CSMD3: variants seen among roughly 807,000 people sequenced by gnomAD.
CSMD3 encodes the protein CUB and sushi domain-containing protein 3.
In CSMD3, 177 loss-of-function variants were observed where a neutral mutation model predicts 435.2. The ratio of observed to expected loss-of-function variants is 0.41; its 90% CI spans 0.36 to 0.46. CSMD3 has a LOEUF of 0.46. Among genes scored for constraint, CSMD3 ranks in the 20% least tolerant of loss-of-function variants. The pLI is 0.34. For missense variants in CSMD3, 4,265 were observed against 4,504.6 expected (o/e 0.95, Z 1.52); for synonymous variants, 1,656 against 1,520.5 (o/e 1.09, Z -2.07).
intron 4 of CSMD3, among the ~76,000 whole-genome samples, chr8:113,155,492 T>C (rs1327751373): frequency 6.6e-6 from 1 of 152,012 alleles, no homozygotes; most frequent in Non-Finnish European, 1.5e-5. Flanking sequence ...AGTAAAACTA[T>C]TAAGGGTGGG....
intron 58 of CSMD3, among the ~76,000 whole-genome samples, chr8:112,282,410 T>C (rs561078294): frequency 6.6e-6 from 1 of 152,100 alleles, no homozygotes; most frequent in Non-Finnish European, 1.5e-5. Context: ...CTAAATGCAT[T>C]AGTGCCTGCC....
At chr8:112,512,709 T>C (rs1438613231) in intron 28 of CSMD3, among the ~76,000 whole-genome samples, 1 of 152,216 alleles carries the variant, frequency 6.6e-6, no homozygotes, top group Non-Finnish European at 1.5e-5. Context: ...AGTCAGCCTG[T>C]CCTTTGAAGC....
intron 24 of CSMD3, among the ~76,000 whole-genome samples, chr8:112,571,419 T>G (rs1829505843): frequency 6.6e-6 from 1 of 152,152 alleles, no homozygotes; most frequent in South Asian, 2.1e-4. Context: ...ATGATCTTAC[T>G]CATTCCAGTC....
intron 13 of CSMD3, among the ~76,000 whole-genome samples, chr8:112,717,261 A>G (rs533748242): frequency 1.3e-5 from 2 of 152,236 alleles, no homozygotes; most frequent in South Asian, 2.1e-4. Context: ...GGTGAAGGAC[A>G]TGAACAGATG....
At chr8:112,516,754 A>G (rs1451846810) in intron 28 of CSMD3, among the ~76,000 whole-genome samples, 2 of 152,192 alleles carry the variant, frequency 1.3e-5, no homozygotes, top group East Asian at 3.8e-4. Flanking sequence ...AACTATGGCT[A>G]CATAGTAAAT....
chr8:112,979,644 T>G (rs867894099), intron 6 of CSMD3, among the ~76,000 whole-genome samples: 5 of 151,508 alleles, frequency 3.3e-5, no homozygotes, highest in Admixed American at 2.6e-4. Flanking sequence ...TGAAAAAAAT[T>G]AAGTATGCTA....
At chr8:113,278,497 G>C (rs1172985873) in intron 3 of CSMD3, 95 bp downstream of exon 3, 5 of 713,520 alleles carry the variant, frequency 7.0e-6, no homozygotes, top group South Asian at 1.4e-5. Context: ...GAGACAACAT[G>C]ATGTTGTCTC....
At chr8:113,055,527 T>G (rs1016830066) in intron 5 of CSMD3, among the ~76,000 whole-genome samples, 14 of 152,212 alleles carry the variant, frequency 9.2e-5, no homozygotes, top group Admixed American at 3.3e-4. Context: ...TTAAATATCA[T>G]CCATATTCTG....
At chr8:112,497,514 AC>A (rs1821483320) in intron 30 of CSMD3, among the ~76,000 whole-genome samples, 1 of 150,668 alleles carries the variant, frequency 6.6e-6, no homozygotes, top group Admixed American at 6.6e-5. Flanking sequence ...CCTACTATGA[AC>A]CTGTAAAAAT....
chr8:113,009,350 T>C (rs2086172536), intron 6 of CSMD3, among the ~76,000 whole-genome samples: 2 of 151,898 alleles, frequency 1.3e-5, no homozygotes. Flanking sequence ...TTAAGTAATC[T>C]ATTCAGGTTC....
intron 3 of CSMD3, among the ~76,000 whole-genome samples, chr8:113,238,826 G>A (rs890090687): frequency 2.0e-5 from 3 of 152,158 alleles, no homozygotes; most frequent in African/African-American, 4.8e-5. Flanking sequence ...ATAGGGAAGT[G>A]TAAACATATA....
intron 14 of CSMD3, 113 bp from the exon 15 acceptor site, chr8:112,685,845 A>G: frequency 1.4e-6 from 1 of 721,092 alleles, no homozygotes; most frequent in Non-Finnish European, 2.3e-6. Context: ...GATAATATTA[A>G]ATTATGTAAA....
chr8:112,265,574 G>A lies in CSMD3; in HGVS notation c.9525C>T (p.Asp3175=), dbSNP rs1293831413. The change falls in exon 60 of 71, where the codon GAC becomes GAT. Residue 3175 remains aspartate, a synonymous_variant. Transcript: ENST00000297405. ...TCAGTCCATTGGCTGGTATACCTGG[G>A]TCTCCACAACTGATTACTGTCAGTA... ...LPNCTIISCG[D]PGIPANGLRY... is the part of the protein sequence containing the mutation. 6.2e-7 allele frequency: 1 copy of A among 1,612,746 alleles called. No individual in the cohort carries two copies. The highest frequency in any genetic ancestry group is 8.5e-7 in the Non-Finnish European group (1 of 1,179,034).
At position 112,691,950 on chromosome 8, in the gene CSMD3, G is replaced by A. The variant is rs918332912; in HGVS notation, c.1973-1900C>T. On this transcript the variant is annotated intron_variant, in intron 13 of 70. Transcript: ENST00000297405. ...TGGGTAGCTCGGACTATAGGTGCTCGTGCCACCATGCCCAAGTAGTTTTTG... is the reference window on the plus strand; with the variant it reads ...TGGGTAGCTCGGACTATAGGTGCTCATGCCACCATGCCCAAGTAGTTTTTG... Among the ~76,000 whole-genome samples, 4 of 151,708 alleles carry A rather than the reference G, an allele frequency of 2.6e-5. No homozygotes were observed. In the East Asian group the frequency reaches 5.8e-4, roughly 22 times the overall value.
At chr8:112,949,878 T>C (rs998767789) in intron 8 of CSMD3, among the ~76,000 whole-genome samples, 1 of 152,054 alleles carries the variant, frequency 6.6e-6, no homozygotes, top group African/African-American at 2.4e-5. Flanking sequence ...CATTTGTGTT[T>C]TCTCCATGTC....
chr8:112,784,541 G>A (rs567492404), intron 13 of CSMD3, among the ~76,000 whole-genome samples: 2 of 151,914 alleles, frequency 1.3e-5, no homozygotes, highest in South Asian at 2.1e-4. Context: ...GATACAAAAA[G>A]AGATGACTCA....
intron 38 of CSMD3, among the ~76,000 whole-genome samples, chr8:112,376,852 T>C (rs1270540382): frequency 2.0e-5 from 3 of 152,168 alleles, no homozygotes; most frequent in Non-Finnish European, 4.4e-5. Flanking sequence ...AAAAACACTC[T>C]AAAGGATATG....
rs143125587 is a variant in CSMD3, at chr8:113,436,841, C to A, written c.14G>T (p.Arg5Leu). 1.2e-6 allele frequency: 2 copies of A among 1,614,104 alleles called. No individual in the cohort carries two copies. The highest frequency in any genetic ancestry group is 3.3e-5 in the Admixed American group (2 of 60,014). ...TTCCTTTGCTCGGCTTTCCCCTTTG[C>A]GGATCCCTTTCATATTATTCGCGAG... is the stretch of plus-strand genomic sequence containing the variant. MKGIRKGESRAKESK... is the reference protein window; with the variant it reads MKGILKGESRAKESK... The change falls in exon 1 of 71, where the codon CGC becomes CTC. Residue 5 changes from arginine (R) to leucine (L), a missense_variant. Transcript: ENST00000297405.
intron 1 of CSMD3, among the ~76,000 whole-genome samples, chr8:113,434,481 T>C (rs2094693125): frequency 6.6e-6 from 1 of 152,160 alleles, no homozygotes. Context: ...ATTGGCATCA[T>C]TCGGAGATTG....
Sources: allele counts gnomAD v4.1 joint callset (sites outside exome capture counted in the v4.1 genomes callset), GRCh38; gene constraint gnomAD v4.1.1; transcripts MANE v1.5; gene names NCBI Gene and HGNC (gene_info 2026-07-23, HGNC 2026-07-21).